EFR3A: variants seen among roughly 807,000 people sequenced by gnomAD.
The protein encoded by EFR3A is EFR3 homolog A, also known as protein EFR3 homolog A.
EFR3A carries 76 observed loss-of-function variants against 104.4 expected under a neutral mutation model. The observed-to-expected ratio is 0.73, with a 90% CI of 0.60 to 0.88. EFR3A has a LOEUF of 0.88. EFR3A is among the 40% of genes least tolerant of loss of function. EFR3A has a pLI of 0.00. For missense variants in EFR3A, 985 were observed against 1,012.5 expected (o/e 0.97, Z 0.37); for synonymous variants, 330 against 330.0 (o/e 1.00, Z 0.00).
intron 1 of EFR3A, among the ~76,000 whole-genome samples, chr8:131,937,650 A>C (rs538358785): frequency 3.9e-5 from 6 of 152,312 alleles, no homozygotes; most frequent in African/African-American, 1.4e-4. Context: ...CTAGGTGACA[A>C]ACACCGCAAA....
At chr8:131,945,427 C>T (rs949457771) in intron 3 of EFR3A, among the ~76,000 whole-genome samples, 6 of 151,934 alleles carry the variant, frequency 3.9e-5, no homozygotes, top group African/African-American at 1.4e-4. Context: ...ACAATAATAA[C>T]TTTGCAATTT....
At chr8:131,990,979 A>G (rs1208608125) in intron 18 of EFR3A, among the ~76,000 whole-genome samples, 1 of 152,074 alleles carries the variant, frequency 6.6e-6, no homozygotes, top group East Asian at 1.9e-4. Flanking sequence ...GGGATGACAG[A>G]TATAGCTGGT....
In EFR3A at chr8:131,995,104, A is replaced by C. The variant is rs532052630; in HGVS notation, c.2066-1302A>C. Among the ~76,000 whole-genome samples the C allele has an allele frequency of 9.9e-5, 15 of 152,250 alleles. No individual in the cohort carries two copies. The East Asian group carries it at 2.7e-3, about 27-fold the overall frequency. Reference sequence around the variant, plus strand: ...AAAATTTGCAAGTAGAAGAGGAAAAACTATTATCTTTGAAAGACAGTGTAG... The same window carrying C: ...AAAATTTGCAAGTAGAAGAGGAAAACCTATTATCTTTGAAAGACAGTGTAG... On this transcript the variant is annotated intron_variant, in intron 18 of 22. Coordinates refer to ENST00000254624, the MANE Select transcript of EFR3A (RefSeq NM_015137.6).
At chr8:131,933,071 T>C (rs1338508378) in intron 1 of EFR3A, among the ~76,000 whole-genome samples, 1 of 152,180 alleles carries the variant, frequency 6.6e-6, no homozygotes, top group East Asian at 1.9e-4. Context: ...AAAAAAACAG[T>C]TACAACAATG....
chr8:131,940,258 G>T (rs370941592), intron 1 of EFR3A: 4 of 465,958 alleles, frequency 8.6e-6, no homozygotes, highest in Non-Finnish European at 1.5e-5. Flanking sequence ...TTTGTCAGAT[G>T]AATTTGGCGG....
intron 18 of EFR3A, among the ~76,000 whole-genome samples, chr8:131,992,021 C>G (rs2130779399): frequency 1.3e-5 from 2 of 152,238 alleles, no homozygotes; most frequent in Middle Eastern, 6.8e-3. Flanking sequence ...TGCCCCCATA[C>G]TTGTCTTTTC....
chr8:132,003,902 T>C (rs894909297), intron 22 of EFR3A, among the ~76,000 whole-genome samples: 7 of 152,206 alleles, frequency 4.6e-5, no homozygotes, highest in African/African-American at 1.7e-4. Context: ...GACTTCAGTG[T>C]GGAAACCTGC....
chr8:131,986,953 T>C (rs998837176), intron 17 of EFR3A, among the ~76,000 whole-genome samples: 2 of 152,102 alleles, frequency 1.3e-5, no homozygotes, highest in African/African-American at 4.8e-5. Context: ...GTAACAATAC[T>C]CAAAATATTG....
In EFR3A at chr8:131,979,353, C is replaced by A; in HGVS notation, c.1507C>A (p.Pro503Thr). ...RAKLRGIRII[P>T]DVADLKIKRE... Reference sequence around the variant, plus strand: ...TATATTGATCGTCTCTAGAATAATACCGGATGTAGCTGACCTAAAGATAAA... The same window carrying A: ...TATATTGATCGTCTCTAGAATAATAACGGATGTAGCTGACCTAAAGATAAA... Residue 503 changes from proline (P) to threonine (T), a missense_variant, in exon 14 of 23, where the codon CCG (proline) becomes ACG (threonine). Transcript: ENST00000254624. 1 of 1,560,748 alleles carries A rather than the reference C, an allele frequency of 6.4e-7. No individual in the cohort carries two copies. The highest frequency in any genetic ancestry group is 8.7e-7 in the Non-Finnish European group (1 of 1,150,504).
intron 18 of EFR3A, among the ~76,000 whole-genome samples, chr8:131,989,272 A>C (rs1400578804): frequency 6.6e-6 from 1 of 152,202 alleles, no homozygotes; most frequent in Non-Finnish European, 1.5e-5. Context: ...TGTAACCATC[A>C]GATATTCATT....
At chr8:132,005,461 A>C (rs1821989757) in intron 22 of EFR3A, among the ~76,000 whole-genome samples, 1 of 152,058 alleles carries the variant, frequency 6.6e-6, no homozygotes, top group Non-Finnish European at 1.5e-5. Context: ...GAAGCAGTAA[A>C]ATACAGTGAG....
Position 131,904,336 on chromosome 8 carries a change from C to G in EFR3A, c.10+14C>G, listed in dbSNP as rs757992084. On this transcript the variant is annotated intron_variant, in intron 1 of 22. Coordinates refer to ENST00000254624, the MANE Select transcript of EFR3A (RefSeq NM_015137.6). ...CCATGCCTACCCGTGAGTGGCCGGC[C>G]GAGGGCCGGGGGCGTTGGGAGGCGA... The G allele has an allele frequency of 8.0e-7, 1 of 1,250,742 alleles. No individual in the cohort carries two copies. Among genetic ancestry groups the G allele is most frequent in the Non-Finnish European group, 1.0e-6 (1 of 996,544 alleles). 77.5% of individuals were successfully genotyped at this position (1,250,742 alleles called of 1,614,324 possible).
chr8:131,970,055 C>T (rs942411968), intron 9 of EFR3A, among the ~76,000 whole-genome samples: 1 of 152,134 alleles, frequency 6.6e-6, no homozygotes, highest in Non-Finnish European at 1.5e-5. Context: ...CCTTCAGTCT[C>T]AAAAGATACA....
chr8:131,994,550 A>G (rs538232884), intron 18 of EFR3A, among the ~76,000 whole-genome samples: 1 of 152,290 alleles, frequency 6.6e-6, no homozygotes, highest in East Asian at 1.9e-4. Flanking sequence ...TTGTTTAACA[A>G]TTATAATTAG....
intron 8 of EFR3A, among the ~76,000 whole-genome samples, chr8:131,966,942 A>G (rs769798391): frequency 1.3e-5 from 2 of 152,158 alleles, no homozygotes; most frequent in Non-Finnish European, 2.9e-5. Context: ...GTTCTTTATA[A>G]GTAGAAAGAA....
intron 1 of EFR3A, among the ~76,000 whole-genome samples, chr8:131,913,965 C>T (rs1305713184): frequency 1.3e-5 from 2 of 152,038 alleles, no homozygotes; most frequent in African/African-American, 4.8e-5. Context: ...ACTTTTTAAC[C>T]CACTAACTGG....
At chr8:131,908,001 A>G (rs1295451861) in intron 1 of EFR3A, among the ~76,000 whole-genome samples, 2 of 151,670 alleles carry the variant, frequency 1.3e-5, no homozygotes, top group African/African-American at 2.4e-5. Context: ...GGCTACATTA[A>G]TGATTATGTA....
At chr8:131,915,097 A>G (rs1487108025) in intron 1 of EFR3A, among the ~76,000 whole-genome samples, 1 of 152,100 alleles carries the variant, frequency 6.6e-6, no homozygotes, top group African/African-American at 2.4e-5. Flanking sequence ...GCTATTGTGA[A>G]TAGTGGAGCA....
chr8:132,003,258 T>C lies in EFR3A; in HGVS notation c.2333T>C (p.Leu778Pro). 1 of 1,612,782 alleles carries C rather than the reference T, an allele frequency of 6.2e-7. No individual in the cohort carries two copies. Among genetic ancestry groups the C allele is most frequent in the South Asian group, 1.1e-5 (1 of 90,782 alleles). Reference sequence around the variant, plus strand: ...CAGGCAAATTTGCTTCATGATAGACTTGCCCAAATATTGGAACTCACCATA... The same window carrying C: ...CAGGCAAATTTGCTTCATGATAGACCTGCCCAAATATTGGAACTCACCATA... The part of the protein sequence containing the change: ...ESKANLLHDR[L>P]AQILELTIRP... Residue 778 changes from leucine (L) to proline (P), a missense_variant, in exon 22 of 23, where the codon CTT (leucine) becomes CCT (proline). Physicochemically the swap from Leu to Pro is moderately conservative, Grantham distance 98. Transcript: ENST00000254624.
Sources: allele counts gnomAD v4.1 joint callset (sites outside exome capture counted in the v4.1 genomes callset), GRCh38; gene constraint gnomAD v4.1.1; transcripts MANE v1.5; gene names NCBI Gene and HGNC (gene_info 2026-07-23, HGNC 2026-07-21).